Variants in EML1 observed in about 807,000 individuals in gnomAD.
The protein encoded by EML1 is EMAP like 1.
A neutral mutation model predicts 110.4 loss-of-function variants in EML1; 27 were observed. The ratio of observed to expected loss-of-function variants is 0.24; its 90% confidence interval spans 0.18 to 0.34. The LOEUF is 0.34. EML1 is among the 10% of genes least tolerant of loss of function. EML1 has a pLI of 1.00. For missense variants in EML1, 741 were observed against 1,030.9 expected (o/e 0.72, Z 3.85); for synonymous variants, 344 against 385.8 (o/e 0.89, Z 1.27).
intron 8 of EML1, among the ~76,000 whole-genome samples, 188 bp downstream of exon 8, chr14:99,898,490 G>A (rs758132744): frequency 2.7e-4 from 41 of 152,096 alleles, no homozygotes; most frequent in Admixed American, 8.5e-4. Context: ...GGTGGCTCAC[G>A]CCTGTAATCC....
intron 2 of EML1, among the ~76,000 whole-genome samples, chr14:99,851,554 G>A (rs902402560): frequency 2.8e-4 from 42 of 152,150 alleles, no homozygotes; most frequent in Non-Finnish European, 5.3e-4. Context: ...TGATCCGCCC[G>A]CCTCGGCCTC....
intron 1 of EML1, among the ~76,000 whole-genome samples, chr14:99,744,392 G>A (rs1233786411): frequency 1.3e-5 from 2 of 152,100 alleles, no homozygotes; most frequent in Non-Finnish European, 2.9e-5. Flanking sequence ...TGCACCCACC[G>A]GGAAGTAACC....
intron 1 of EML1, among the ~76,000 whole-genome samples, chr14:99,775,383 G>A (rs1168775180): frequency 2.0e-5 from 3 of 152,280 alleles, no homozygotes; most frequent in Admixed American, 6.5e-5. Flanking sequence ...GCCGGCTCCC[G>A]GAACAGTGGC....
Position 99,894,615 on chromosome 14 carries a change from T to A in EML1, c.548-14T>A. On this transcript the variant is annotated splice_polypyrimidine_tract_variant and intron_variant, in intron 5 of 21. Transcript: ENST00000262233. ...CACTGAGGTATCTTACTGAAATCTT[T>A]GTTCTTTTTGTAGAAGAAGGCTATG... 1.2e-6 allele frequency: 2 copies of A among 1,609,652 alleles called. No individual in the cohort carries two copies. Among genetic ancestry groups the A allele is most frequent in the Non-Finnish European group, 1.7e-6 (2 of 1,178,238 alleles).
At chr14:99,743,135 G>A (rs2057063724) in intron 1 of EML1, among the ~76,000 whole-genome samples, 1 of 152,192 alleles carries the variant, frequency 6.6e-6, no homozygotes, top group African/African-American at 2.4e-5. Flanking sequence ...ATGTTATGGA[G>A]CAGGGGAAAC....
chr14:99,914,057 A>T, intron 13 of EML1, 122 bp from the exon 14 acceptor site: 1 of 1,175,870 alleles, frequency 8.5e-7, no homozygotes, highest in Non-Finnish European at 1.2e-6. Context: ...AACGTACATT[A>T]TATACATATG....
At chr14:99,818,703 C>T (rs1333839595) in intron 1 of EML1, among the ~76,000 whole-genome samples, 2 of 151,894 alleles carry the variant, frequency 1.3e-5, no homozygotes, top group Non-Finnish European at 2.9e-5. Flanking sequence ...CAGTGTAGGT[C>T]GTGGTTGAGG....
intron 1 of EML1, among the ~76,000 whole-genome samples, chr14:99,754,505 C>T (rs921390599): frequency 3.3e-5 from 5 of 152,230 alleles, no homozygotes; most frequent in African/African-American, 1.2e-4. Flanking sequence ...AGGTTACAGA[C>T]GGACCTCCCA....
intron 9 of EML1, among the ~76,000 whole-genome samples, chr14:99,902,343 T>C (rs2059776504): frequency 6.6e-6 from 1 of 152,248 alleles, no homozygotes; most frequent in Non-Finnish European, 1.5e-5. Context: ...CTGATCCAGA[T>C]ATTTACATTA....
At chr14:99,786,009 G>A (rs960593078) in intron 1 of EML1, among the ~76,000 whole-genome samples, 5 of 148,614 alleles carry the variant, frequency 3.4e-5, no homozygotes, top group Non-Finnish European at 7.4e-5. Context: ...GCACATTCAC[G>A]GCTAGTTCAC....
chr14:99,799,668 A>G (rs1215670880), intron 1 of EML1, among the ~76,000 whole-genome samples: 3 of 152,210 alleles, frequency 2.0e-5, no homozygotes, highest in Non-Finnish European at 1.5e-5. Flanking sequence ...AAACCCACGC[A>G]TTTTGGTGGA....
At chr14:99,800,562 C>T (rs2057857204) in intron 1 of EML1, among the ~76,000 whole-genome samples, 1 of 152,098 alleles carries the variant, frequency 6.6e-6, no homozygotes, top group Non-Finnish European at 1.5e-5. Context: ...TGCAGTCTTT[C>T]TTTGTTGCTC....
At position 99,740,712 on chromosome 14, in the gene EML1, C is replaced by T. The variant is rs776879808; in HGVS notation, c.28+2852C>T. Among the ~76,000 whole-genome samples the T allele has an allele frequency of 4.6e-5, 7 of 152,310 alleles. No individual in the cohort carries two copies. In the South Asian group the frequency reaches 6.2e-4, roughly 14 times the overall value. On this transcript the variant is annotated intron_variant, in intron 1 of 10. Transcript: ENST00000554479. ...CATTCTAGGCTTGGCTCTGTCTCTT[C>T]GGGGCAGAGTCACGTCACCTTTCTA...
rs1237887524 is a variant in EML1 at position 99,793,426 on chromosome 14, C to T, written c.-51C>T. ...CGGGCTCAGCTCAGTGTGTGGTGAG[C>T]GGCGGCGGCGCGGCCGGGCCGGGGA... On this transcript the variant is annotated 5_prime_UTR_variant, in exon 1 of 22. Transcript: ENST00000262233. 10 of 1,025,812 alleles carry T rather than the reference C, an allele frequency of 9.7e-6. No individual in the cohort carries two copies. Among genetic ancestry groups the T allele is most frequent in the Non-Finnish European group, 1.2e-5 (10 of 857,130 alleles). 63.5% of individuals were successfully genotyped at this position (1,025,812 alleles called of 1,614,324 possible). A position where few individuals can be genotyped will look rare whatever the true frequency, so the allele number is the denominator to read the frequency against.
intron 1 of EML1, among the ~76,000 whole-genome samples, chr14:99,766,194 C>CTT (rs34008528): frequency 0.043 from 5,601 of 129,798 alleles, 437 homozygotes; most frequent in African/African-American, 0.14. Flanking sequence ...TAAACTTTTA[C>CTT]TTTTTTTTTT....
In EML1 at chr14:99,936,108, G is replaced by A. The variant is rs114779100; in HGVS notation, c.1989G>A (p.Thr663=). ...YGVSDNGRKY[T]RVGKCSGHSS... The stretch of plus-strand genomic sequence containing the variant: ...TTAGTGACAACGGGAGGAAGTACAC[G>A]CGAGTGGGCAAGTGCTCGGTAAGCG... The change falls in exon 18 of 22, where the codon ACG becomes ACA. Residue 663 remains threonine, a synonymous_variant. Transcript: ENST00000262233. This position sits in a 1 kb window ranked among gnomAD's most constrained non-coding sequence, Gnocchi z 5.5. 4.7e-4 allele frequency: 765 copies of A among 1,614,132 alleles called. 4 individuals carry two copies. In the African/African-American group the frequency reaches 7.7e-3, roughly 16 times the overall value.
chr14:99,858,968 G>A (rs2058953657), intron 2 of EML1, among the ~76,000 whole-genome samples: 1 of 152,172 alleles, frequency 6.6e-6, no homozygotes, highest in African/African-American at 2.4e-5. Flanking sequence ...CATTATTGAT[G>A]TGATGTAAGT....
At chr14:99,917,715 G>A (rs1042272800) in intron 15 of EML1, 67 bp from the exon 16 acceptor site, 34 of 1,504,370 alleles carry the variant, frequency 2.3e-5, no homozygotes, top group Middle Eastern at 1.7e-4. Flanking sequence ...ACGCACTCAC[G>A]TGTGTGTGTT....
At chr14:99,758,621 T>A (rs2057282335) in intron 1 of EML1, among the ~76,000 whole-genome samples, 1 of 152,166 alleles carries the variant, frequency 6.6e-6, no homozygotes, top group Non-Finnish European at 1.5e-5. Context: ...CTCGCCCTAG[T>A]CACGCCCTCA....
Sources: gnomAD v4.1 joint callset for allele counts (sites outside exome capture counted in the v4.1 genomes callset) on GRCh38, gnomAD v4.1.1 for gene constraint, Gnocchi (gnomAD v3.1) non-coding constraint, MANE v1.5 for transcripts, NCBI Gene and HGNC (gene_info 2026-07-23, HGNC 2026-07-21) for gene names.